The following FUT9 variants were observed in gnomAD, a reference collection of about 807,000 sequenced individuals.
FUT9 encodes the protein 4-galactosyl-N-acetylglucosaminide 3-alpha-L-fucosyltransferase 9.
In FUT9, 15 loss-of-function variants were observed where a neutral mutation model predicts 29.7. That is an observed-to-expected ratio of 0.51 (90% confidence interval 0.34 to 0.78). The LOEUF (loss-of-function observed/expected upper bound fraction) is 0.78. Among genes scored for constraint, FUT9 ranks in the 30% least tolerant of loss-of-function variants. The pLI is 0.01. For synonymous variants in FUT9, 169 were observed against 153.7 expected, an observed-to-expected ratio of 1.10 and a Z score of -0.74; for missense variants, 319 against 425.4, an observed-to-expected ratio of 0.75 and a Z score of 2.20.
chr6:96,194,166 A>C (rs1773576245), intron 2 of FUT9, among the ~76,000 whole-genome samples: 1 of 152,246 alleles, frequency 6.6e-6, no homozygotes, highest in Non-Finnish European at 1.5e-5. Context: ...ACAAACCTGC[A>C]TGTTGTGCAC....
chr6:96,075,945 G>T (rs774846519), intron 1 of FUT9, among the ~76,000 whole-genome samples: 7 of 152,064 alleles, frequency 4.6e-5, no homozygotes, highest in Non-Finnish European at 1.0e-4. Flanking sequence ...AGTGGGCTTT[G>T]TTCTTCCACC....
rs114225453 is a variant in FUT9 at position 96,098,388 on chromosome 6, A to G, written c.-97-15651A>G. Among the ~76,000 whole-genome samples the G allele has an allele frequency of 4.8e-3, 727 of 152,256 alleles. 6 individuals carry two copies. The highest frequency in any genetic ancestry group is 0.017 in the African/African-American group (703 of 41,546). ...GTAATGTTCCAGGCAACATTTCTTT[A>G]ATCACTCACGATCCACAGTGATCTT... is the stretch of plus-strand genomic sequence containing the variant. On this transcript the variant is annotated intron_variant, in intron 1 of 2. Coordinates refer to ENST00000302103, the MANE Select transcript of FUT9 (RefSeq NM_006581.4).
Position 96,173,528 on chromosome 6 carries a change from A to T in FUT9, c.-8-29620A>T, listed in dbSNP as rs188211828. The stretch of plus-strand genomic sequence containing the variant: ...CTTCCATGGCAAGAATTGGGCCTTC[A>T]GTATGTTCTTTTCTCACTCTCTCTA... On this transcript the variant is annotated intron_variant, in intron 2 of 2. Transcript: ENST00000302103. 2.4e-3 allele frequency among the ~76,000 whole-genome samples: 358 copies of T among 152,168 alleles called. 2 individuals are homozygous for T. The highest frequency in any genetic ancestry group is 5.7e-4 in the Non-Finnish European group (39 of 67,990).
intron 2 of FUT9, among the ~76,000 whole-genome samples, chr6:96,124,153 CT>C (rs35122970): frequency 0.29 from 35,440 of 124,322 alleles, 3,266 homozygotes; most frequent in East Asian, 0.52. Context: ...TTTCTTTTTT[CT>C]TTTTTTTTTT....
intron 2 of FUT9, among the ~76,000 whole-genome samples, chr6:96,169,578 C>T (rs1415025493): frequency 6.6e-6 from 1 of 152,022 alleles, no homozygotes; most frequent in East Asian, 1.9e-4. Flanking sequence ...AGACTTATCT[C>T]TCAGGAAAAA....
At chr6:96,069,636 TTTA>T in intron 1 of FUT9, among the ~76,000 whole-genome samples, 4 of 151,380 alleles carry the variant, frequency 2.6e-5, no homozygotes, top group South Asian at 4.2e-4. Flanking sequence ...TATTTTTTAT[TTTA>T]TTTTTTTGAG....
At chr6:96,106,493 A>C (rs1304311223) in intron 1 of FUT9, among the ~76,000 whole-genome samples, 3 of 152,074 alleles carry the variant, frequency 2.0e-5, no homozygotes, top group Non-Finnish European at 4.4e-5. Flanking sequence ...TCCCAGTTCC[A>C]AGAGGCATGT....
Position 96,212,654 on chromosome 6 carries a change from T to C in FUT9, c.*8419T>C, listed in dbSNP as rs901480590. 6 of 264,944 alleles carry C rather than the reference T, an allele frequency of 2.3e-5. No individual in the cohort carries two copies. The highest frequency in any genetic ancestry group is 1.3e-4 in the African/African-American group (6 of 45,060). The allele number at this position is 264,944 out of a possible 1,614,324, so 16.4% of individuals were successfully genotyped here. On this transcript the variant is annotated 3_prime_UTR_variant, in exon 3 of 3. Transcript: ENST00000302103. ...TATGAGATGAAGGTAGGAAGTAATG[T>C]GTGCTTGCAGAAATGCAACTGGTCA...
At chr6:96,123,020 A>G (rs1450338898) in intron 2 of FUT9, among the ~76,000 whole-genome samples, 6 of 133,806 alleles carry the variant, frequency 4.5e-5, no homozygotes, top group African/African-American at 1.7e-4. Context: ...AGATCGCGCC[A>G]ATCCGCTCCA....
chr6:96,046,314 TTTCTG>T (rs1451053549), intron 1 of FUT9, among the ~76,000 whole-genome samples: 1 of 152,130 alleles, frequency 6.6e-6, no homozygotes, highest in Non-Finnish European at 1.5e-5. Context: ...TTCTTATTCT[TTTCTG>T]TTCTATTTCA....
rs1773507306 is a variant in FUT9 at position 96,191,465 on chromosome 6, A to C, written c.-8-11683A>C. On this transcript the variant is annotated intron_variant, in intron 2 of 2. Coordinates refer to ENST00000302103, the MANE Select transcript of FUT9 (RefSeq NM_006581.4). ...ATGCTATAAACACCTCTATGCAAAT[A>C]AACTAGAAAATCTAGAAGAAATGGA... 2.0e-5 allele frequency among the ~76,000 whole-genome samples: 3 copies of C among 152,332 alleles called. No homozygotes were observed. In the South Asian group the frequency reaches 6.2e-4, roughly 32 times the overall value.
intron 1 of FUT9, among the ~76,000 whole-genome samples, chr6:96,050,479 T>C (rs1022412098): frequency 1.3e-5 from 2 of 152,230 alleles, no homozygotes; most frequent in East Asian, 3.8e-4. Flanking sequence ...CAAGCGATTC[T>C]AACAGAAGAG....
At chr6:96,116,189 C>T (rs1374747679) in intron 2 of FUT9, among the ~76,000 whole-genome samples, 1 of 152,056 alleles carries the variant, frequency 6.6e-6, no homozygotes, top group African/African-American at 2.4e-5. Flanking sequence ...AGAAGATGTT[C>T]ACTAAGGAGA....
At chr6:96,034,010 G>C (rs1366610721) in intron 1 of FUT9, among the ~76,000 whole-genome samples, 1 of 151,616 alleles carries the variant, frequency 6.6e-6, no homozygotes, top group African/African-American at 2.4e-5. Flanking sequence ...ATTTAACTTA[G>C]GAAGGGAAAC....
At chr6:96,048,693 C>T (rs576157200) in intron 1 of FUT9, among the ~76,000 whole-genome samples, 74 of 152,234 alleles carry the variant, frequency 4.9e-4, no homozygotes, top group African/African-American at 1.8e-3. Flanking sequence ...GAAAAGAGAT[C>T]GGCAGTGGAT....
At position 96,215,499 on chromosome 6, in the gene FUT9, C is replaced by T. The variant is rs908547721; in HGVS notation, c.*11264C>T. The T allele has an allele frequency of 2.4e-5, 4 of 166,620 alleles. No homozygotes were observed. The highest frequency in any genetic ancestry group is 7.2e-5 in the African/African-American group (3 of 41,420). The allele number at this position is 166,620 out of a possible 1,614,324, so 10.3% of individuals were successfully genotyped here. A position where few individuals can be genotyped will look rare whatever the true frequency, so the allele number is the denominator to read the frequency against. On this transcript the variant is annotated 3_prime_UTR_variant, in exon 3 of 3. Transcript: ENST00000302103. ...TTTCCTAAATTCAGTGTAAGTACCT[C>T]GCTGATTTAGCACTGGAGTTATTCC...
intron 1 of FUT9, among the ~76,000 whole-genome samples, chr6:96,029,883 A>G (rs969661580): frequency 6.6e-6 from 1 of 151,642 alleles, no homozygotes; most frequent in Non-Finnish European, 1.5e-5. Flanking sequence ...GAAGGTGAGA[A>G]GTGAAAGGAA....
intron 2 of FUT9, among the ~76,000 whole-genome samples, chr6:96,165,541 A>G (rs1170294225): frequency 6.6e-6 from 1 of 151,772 alleles, no homozygotes; most frequent in African/African-American, 2.4e-5. Context: ...AAAAAGACCC[A>G]ACCCAATGCA....
intron 2 of FUT9, among the ~76,000 whole-genome samples, chr6:96,175,880 T>G (rs2127984473): frequency 6.6e-6 from 1 of 152,336 alleles, no homozygotes; most frequent in Admixed American, 6.5e-5. Context: ...GAGGGTGTTT[T>G]CAGAAGAGAC....
Sources: allele counts gnomAD v4.1 joint callset (sites outside exome capture counted in the v4.1 genomes callset), GRCh38; gene constraint gnomAD v4.1.1; transcripts MANE v1.5; gene names NCBI Gene and HGNC (gene_info 2026-07-23, HGNC 2026-07-21).